ASXL3: variants seen among roughly 807,000 people sequenced by gnomAD.
ASXL3 encodes the protein putative Polycomb group protein ASXL3.
Under a neutral mutation model 170.6 loss-of-function variants are expected in ASXL3, and 34 were observed. The observed-to-expected ratio is 0.20, with a 90% CI of 0.15 to 0.27. The LOEUF is 0.27. Among genes scored for constraint, ASXL3 ranks in the 10% least tolerant of loss-of-function variants. The pLI is 1.00. For missense variants in ASXL3, 2,592 were observed against 2,695.3 expected (o/e 0.96, Z 0.85); for synonymous variants, 1,002 against 989.1 (o/e 1.01, Z -0.24).
intron 8 of ASXL3, among the ~76,000 whole-genome samples, chr18:33,719,192 C>T (rs1313947234): frequency 6.6e-6 from 1 of 152,026 alleles, no homozygotes; most frequent in Non-Finnish European, 1.5e-5. Flanking sequence ...TGCATCATTT[C>T]CCTTCATAAC....
chr18:33,605,149 A>C (rs1049316735), intron 1 of ASXL3, among the ~76,000 whole-genome samples: 3 of 151,966 alleles, frequency 2.0e-5, no homozygotes, highest in Admixed American at 2.0e-4. Context: ...CTTATGGTCA[A>C]GAGATTGTTG....
chr18:33,732,295 T>A (rs1444754808), intron 9 of ASXL3, among the ~76,000 whole-genome samples: 2 of 152,232 alleles, frequency 1.3e-5, no homozygotes, highest in Non-Finnish European at 2.9e-5. Flanking sequence ...ATAAAATTTT[T>A]GATGCAGCAA....
intron 8 of ASXL3, among the ~76,000 whole-genome samples, chr18:33,718,078 A>G (rs908681210): frequency 1.3e-5 from 2 of 152,202 alleles, no homozygotes; most frequent in African/African-American, 4.8e-5. Flanking sequence ...AAAGTATCAC[A>G]AAACTGGTAG....
intron 5 of ASXL3, among the ~76,000 whole-genome samples, chr18:33,670,443 A>C (rs1443910468): frequency 6.6e-6 from 1 of 152,216 alleles, no homozygotes; most frequent in African/African-American, 2.4e-5. Flanking sequence ...TGTTAGAATT[A>C]TACCGAAAAT....
At chr18:33,691,207 T>C (rs1425269158) in intron 8 of ASXL3, among the ~76,000 whole-genome samples, 2 of 152,186 alleles carry the variant, frequency 1.3e-5, no homozygotes, top group Non-Finnish European at 2.9e-5. Flanking sequence ...GCTTCATTCA[T>C]TGGCCAGCTC....
At chr18:33,658,134 T>C (rs1349428329) in intron 4 of ASXL3, among the ~76,000 whole-genome samples, 9 of 152,158 alleles carry the variant, frequency 5.9e-5, no homozygotes, top group African/African-American at 1.7e-4. Context: ...TTCTTCAGTT[T>C]CCTGGCTCCT....
chr18:33,745,624 T>G lies in ASXL3; in HGVS notation c.5776T>G (p.Ser1926Ala). 1 of 1,613,952 alleles carries G rather than the reference T, an allele frequency of 6.2e-7. No homozygotes were observed. Among genetic ancestry groups the G allele is most frequent in the Middle Eastern group, 1.7e-4 (1 of 6,060 alleles). ...NGGFHTDAGT[S>A]HRQQFYQMPV... ...CGGCTTCCACACTGACGCTGGTACCTCACACAGACAGCAGTTTTACCAAAT... is the reference window on the plus strand; with the variant it reads ...CGGCTTCCACACTGACGCTGGTACCGCACACAGACAGCAGTTTTACCAAAT... The change falls in exon 12 of 12, where the codon TCA becomes GCA. Residue 1926 changes from serine (S) to alanine (A), a missense_variant. Physicochemically the swap from Ser to Ala is moderately conservative, Grantham distance 99. Around this residue, in one of 4 missense-constraint regions of ASXL3, gnomAD observed 2,246 missense variants for 2,219.6 expected, o/e 1.01. Coordinates refer to ENST00000269197, the MANE Select transcript of ASXL3 (RefSeq NM_030632.3).
At chr18:33,591,310 G>A (rs777870698) in intron 1 of ASXL3, among the ~76,000 whole-genome samples, 6 of 152,136 alleles carry the variant, frequency 3.9e-5, no homozygotes, top group Non-Finnish European at 8.8e-5. Flanking sequence ...AGCTTGGAAA[G>A]TGGATGGTTC....
chr18:33,626,385 A>G (rs12961461), intron 2 of ASXL3, among the ~76,000 whole-genome samples: 74,198 of 152,042 alleles, frequency 0.49, 18,778 homozygotes, highest in Non-Finnish European at 0.56. Flanking sequence ...GGAGGGAGTC[A>G]GATAATGCTG....
chr18:33,675,628 C>G (rs2066413180), intron 7 of ASXL3, among the ~76,000 whole-genome samples: 1 of 152,114 alleles, frequency 6.6e-6, no homozygotes, highest in Non-Finnish European at 1.5e-5. Context: ...TGATTGTCCC[C>G]TAAGTGCTTC....
intron 1 of ASXL3, 85 bp from the exon 2 acceptor site, chr18:33,607,509 A>ATT (rs2065267908): frequency 1.8e-6 from 2 of 1,107,446 alleles, no homozygotes; most frequent in South Asian, 2.8e-5. Context: ...CTCTAATAAA[A>ATT]TAAGCAGAGA....
chr18:33,650,290 A>T (rs1200430803), intron 4 of ASXL3, among the ~76,000 whole-genome samples: 1 of 152,114 alleles, frequency 6.6e-6, no homozygotes, highest in Non-Finnish European at 1.5e-5. Context: ...GGCATGAGAT[A>T]CAATGCTGGA....
Position 33,738,888 on chromosome 18 carries a change from C to G in ASXL3, c.1484C>G (p.Pro495Arg), listed in dbSNP as rs778381007. 6.2e-7 allele frequency: 1 copy of G among 1,613,456 alleles called. No homozygotes were observed. Among genetic ancestry groups the G allele is most frequent in the Admixed American group, 1.7e-5 (1 of 59,914 alleles). ...NSHEEPQIAP[P>R]EDNLESCVMM... is the part of the protein sequence containing the mutation. Reference sequence around the variant, plus strand: ...CATGAAGAACCCCAAATAGCACCTCCTGAAGATAACTTGGAATCCTGTGTT... The same window carrying G: ...CATGAAGAACCCCAAATAGCACCTCGTGAAGATAACTTGGAATCCTGTGTT... Residue 495 changes from proline (P) to arginine (R), a missense_variant, in exon 11 of 12, where the codon CCT (proline) becomes CGT (arginine). Around this residue, in one of 4 missense-constraint regions of ASXL3, gnomAD observed 2,246 missense variants for 2,219.6 expected, o/e 1.01. Transcript: ENST00000269197.
intron 1 of ASXL3, among the ~76,000 whole-genome samples, chr18:33,607,207 C>T (rs547532536): frequency 1.3e-5 from 2 of 152,038 alleles, no homozygotes; most frequent in African/African-American, 4.8e-5. Flanking sequence ...AGTATTCAGG[C>T]TCCATGTTTC....
chr18:33,608,496 A>G (rs750103120), intron 2 of ASXL3, among the ~76,000 whole-genome samples: 22 of 151,900 alleles, frequency 1.4e-4, no homozygotes, highest in Non-Finnish European at 2.8e-4. Flanking sequence ...TTCACTGATG[A>G]TTCTTTATTC....
Position 33,638,052 on chromosome 18 carries a change from A to G in ASXL3, c.138-6842A>G, listed in dbSNP as rs554642139. On this transcript the variant is annotated intron_variant, in intron 2 of 11. Coordinates refer to ENST00000269197, the MANE Select transcript of ASXL3 (RefSeq NM_030632.3). ...AGTGAAAGAATTGTGTTTTTTCTTA[A>G]TGATCCAGTTTAATAAAGAGGCATC... Among the ~76,000 whole-genome samples the G allele has an allele frequency of 6.5e-4, 99 of 151,954 alleles. 1 individual carries two copies. Among genetic ancestry groups the G allele is most frequent in the Non-Finnish European group, 1.3e-3 (87 of 67,990 alleles).
At chr18:33,713,118 C>T (rs571613771) in intron 8 of ASXL3, among the ~76,000 whole-genome samples, 7 of 151,748 alleles carry the variant, frequency 4.6e-5, no homozygotes, top group Non-Finnish European at 1.0e-4. Flanking sequence ...GAAAGATCAT[C>T]TCTAGTGTGG....
At chr18:33,685,768 A>G (rs1009600699) in intron 8 of ASXL3, among the ~76,000 whole-genome samples, 1 of 152,156 alleles carries the variant, frequency 6.6e-6, no homozygotes, top group East Asian at 1.9e-4. Flanking sequence ...GGAGCAAGAG[A>G]GAGAGGAAGG....
intron 8 of ASXL3, among the ~76,000 whole-genome samples, chr18:33,720,481 C>T (rs1407114195): frequency 6.6e-6 from 1 of 152,052 alleles, no homozygotes; most frequent in African/African-American, 2.4e-5. Flanking sequence ...TTCCCCCCTT[C>T]CCCCTCTGCT....
Sources: allele counts gnomAD v4.1 joint callset (sites outside exome capture counted in the v4.1 genomes callset), GRCh38; gene constraint gnomAD v4.1.1; regional missense constraint gnomAD v4.1.1; transcripts MANE v1.5; gene names NCBI Gene and HGNC (gene_info 2026-07-23, HGNC 2026-07-21).